Variants in RASA3 observed in about 807,000 individuals in gnomAD.
RASA3 encodes ras GTPase-activating protein 3.
In RASA3, 73 loss-of-function variants were observed where a neutral mutation model predicts 110.0. The ratio of observed to expected loss-of-function variants is 0.66; its 90% confidence interval spans 0.55 to 0.81. The LOEUF (loss-of-function observed/expected upper bound fraction) is 0.81. Ranked by LOEUF, RASA3 falls within the 30% of genes least tolerant of loss-of-function variation. The pLI, the probability that RASA3 is intolerant of heterozygous loss-of-function variation, is 0.00. For missense variants in RASA3, 976 were observed against 1,113.2 expected, an observed-to-expected ratio of 0.88 and a Z score of 1.75; for synonymous variants, 500 against 451.4, an observed-to-expected ratio of 1.11 and a Z score of -1.37.
chr13:114,124,623 G>A (rs1364245187), intron 1 of RASA3, among the ~76,000 whole-genome samples: 1 of 152,198 alleles, frequency 6.6e-6, no homozygotes, highest in Non-Finnish European at 1.5e-5. Flanking sequence ...GAGCCTCCCA[G>A]ACACAAAGGC....
rs1202129383 is a variant in RASA3, at chr13:114,048,383, AGAGAGTCTCTAGGGGCT to A, written c.277+3652_277+3668del. ...CACCCCCACCCCATTGGGAAGCCTC[AGAGAGTCTCTAGGGGCT>A]GGAGGGGCAAATGGAGGGGGACATG... is the stretch of plus-strand genomic sequence containing the variant. On this transcript the variant is annotated intron_variant, in intron 3 of 23. Transcript: ENST00000334062. The surrounding 1 kb of genome is among the most constrained non-coding windows in gnomAD (Gnocchi z 4.3). Among the ~76,000 whole-genome samples, 1 of 151,642 alleles carries A rather than the reference AGAGAGTCTCTAGGGGCT, an allele frequency of 6.6e-6. No individual in the cohort carries two copies. The highest frequency in any genetic ancestry group is 1.5e-5 in the Non-Finnish European group (1 of 67,892).
At position 114,108,080 on chromosome 13, in the gene RASA3, C is replaced by T. The variant is rs887235528; in HGVS notation, c.55+24355G>A. Among the ~76,000 whole-genome samples, 7 of 152,018 alleles carry T rather than the reference C, an allele frequency of 4.6e-5. No individual in the cohort carries two copies. In the South Asian group the frequency reaches 1.2e-3, roughly 27 times the overall value. ...CCTGGCCACTGGGTAAGGACCTCTC[C>T]GAGCCTTTCTCCTTCCCATTCACTC... On this transcript the variant is annotated intron_variant, in intron 1 of 23. Transcript: ENST00000334062.
Position 114,057,980 on chromosome 13 carries a change from C to T in RASA3, c.174-5825G>A, listed in dbSNP as rs774551490. Among the ~76,000 whole-genome samples the T allele has an allele frequency of 7.2e-5, 11 of 152,090 alleles. No individual in the cohort carries two copies. Among genetic ancestry groups the T allele is most frequent in the Non-Finnish European group, 1.5e-4 (10 of 68,000 alleles). ...CTGAGGCCCTGGGAGGTCGGAGTCC[C>T]GGAGGTGGGTGGGGGTGGTGAGTTC... On this transcript the variant is annotated intron_variant, in intron 2 of 23. Coordinates refer to ENST00000334062, the MANE Select transcript of RASA3 (RefSeq NM_007368.4). The surrounding 1 kb of genome is among the most constrained non-coding windows in gnomAD (Gnocchi z 5.0).
intron 6 of RASA3, 50 bp downstream of exon 6, chr13:114,027,797 C>CTA (rs753102977): frequency 6.4e-7 from 1 of 1,564,650 alleles, no homozygotes; most frequent in South Asian, 1.1e-5. Flanking sequence ...CAGAGCTGGA[C>CTA]CCTAGCCCCC....
At chr13:114,040,361 G>A (rs1475566535) in intron 4 of RASA3, among the ~76,000 whole-genome samples, 1 of 66,436 alleles carries the variant, frequency 1.5e-5, no homozygotes, top group East Asian at 4.6e-4. Flanking sequence ...GGCAGAGACC[G>A]CGCTCACTCC....
At chr13:114,103,934 G>A (rs57599940) in intron 1 of RASA3, among the ~76,000 whole-genome samples, 48 of 24,014 alleles carry the variant, frequency 2.0e-3, no homozygotes, top group African/African-American at 4.3e-3. Context: ...ATGCGTCCAC[G>A]CTGCCACAGC....
At chr13:114,075,943 GGCGCCGC>G (rs2079671415) in intron 1 of RASA3, among the ~76,000 whole-genome samples, 5 of 63,158 alleles carry the variant, frequency 7.9e-5, no homozygotes, top group Admixed American at 5.2e-4. Flanking sequence ...CTCCCGTGTC[GGCGCCGC>G]GTATCTCTGG....
chr13:114,004,118 C>T (rs1297770583), intron 18 of RASA3, among the ~76,000 whole-genome samples: 1 of 152,154 alleles, frequency 6.6e-6, no homozygotes, highest in Non-Finnish European at 1.5e-5. Context: ...AGAAAAATAG[C>T]AATGTAAGTA....
In RASA3 at chr13:114,060,976, C is replaced by CA. The variant is rs1250184654; in HGVS notation, c.174-8822_174-8821insT. Among the ~76,000 whole-genome samples the CA allele has an allele frequency of 5.4e-4, 78 of 144,362 alleles. 1 individual carries two copies. The highest frequency in any genetic ancestry group is 2.1e-3 in the South Asian group (10 of 4,696). 94.7% of individuals were successfully genotyped at this position (144,362 alleles called of 152,430 possible). A position where few individuals can be genotyped will look rare whatever the true frequency, so the allele number is the denominator to read the frequency against. Reference sequence around the variant, plus strand: ...CCCCACAGCCGGCAGATGGAGCCCCCCACAGCCGGCAGACGGAGCCCCCCA... The same window carrying CA: ...CCCCACAGCCGGCAGATGGAGCCCCCACACAGCCGGCAGACGGAGCCCCCCA... On this transcript the variant is annotated intron_variant, in intron 2 of 23. Coordinates refer to ENST00000334062, the MANE Select transcript of RASA3 (RefSeq NM_007368.4).
intron 20 of RASA3, among the ~76,000 whole-genome samples, chr13:113,998,674 C>T (rs887899852): frequency 5.3e-5 from 8 of 152,192 alleles, no homozygotes; most frequent in Non-Finnish European, 8.8e-5. Context: ...AGGGGATTCC[C>T]GCCAGAAATG....
At chr13:114,123,805 C>T (rs1481520282) in intron 1 of RASA3, among the ~76,000 whole-genome samples, 5 of 152,150 alleles carry the variant, frequency 3.3e-5, no homozygotes, top group Admixed American at 6.5e-5. Context: ...TCTGTCTGGT[C>T]GGTGGTCAGA....
At chr13:114,030,885 G>C (rs1040707503) in intron 4 of RASA3, among the ~76,000 whole-genome samples, 2 of 152,022 alleles carry the variant, frequency 1.3e-5, no homozygotes, top group Non-Finnish European at 2.9e-5. Flanking sequence ...ACCTGTGTGC[G>C]TGCAACTGTG....
At position 114,097,964 on chromosome 13, in the gene RASA3, A is replaced by G. The variant is rs187223233; in HGVS notation, c.56-24127T>C. On this transcript the variant is annotated intron_variant, in intron 1 of 23. Transcript: ENST00000334062. The stretch of plus-strand genomic sequence containing the variant: ...GGTCCAGGGAGACCACCAGCGAGAG[A>G]GTGGATACCCCTGGGAACAAAGCGG... 1.7e-3 allele frequency among the ~76,000 whole-genome samples: 256 copies of G among 152,254 alleles called. 1 individual carries two copies. Among genetic ancestry groups the G allele is most frequent in the Middle Eastern group, 3.4e-3 (1 of 294 alleles).
intron 1 of RASA3, among the ~76,000 whole-genome samples, chr13:114,102,929 C>G (rs1440780838): frequency 6.6e-6 from 1 of 152,108 alleles, no homozygotes; most frequent in Admixed American, 6.5e-5. Flanking sequence ...GGGCCTGAGT[C>G]CAGCCCCAGG....
chr13:114,061,936 G>A (rs538078706), intron 2 of RASA3, among the ~76,000 whole-genome samples: 3 of 152,266 alleles, frequency 2.0e-5, no homozygotes, highest in Admixed American at 1.3e-4. Flanking sequence ...GTTGGGCGGG[G>A]AGGACGGCAA....
intron 3 of RASA3, among the ~76,000 whole-genome samples, chr13:114,046,314 G>C (rs542266005): frequency 6.6e-6 from 1 of 152,178 alleles, no homozygotes; most frequent in Non-Finnish European, 1.5e-5. Context: ...ATGAGGTGGT[G>C]GTGGAAGAAA....
rs575207016 is a variant in RASA3 at position 113,993,956 on chromosome 13, G to A, written c.2142-1368C>T. ...AACAGGGAGGGCCTGATAGGAACGC[G>A]CGGGGCTGTTATTTTTAGCAAAATG... On this transcript the variant is annotated intron_variant, in intron 21 of 23. Coordinates refer to ENST00000334062, the MANE Select transcript of RASA3 (RefSeq NM_007368.4). 6.6e-5 allele frequency among the ~76,000 whole-genome samples: 10 copies of A among 152,298 alleles called. No individual in the cohort carries two copies. In the South Asian group the frequency reaches 8.3e-4, roughly 13 times the overall value.
rs376436378 is a variant in RASA3 at position 114,070,367 on chromosome 13, C to T, written c.173+3353G>A. On this transcript the variant is annotated intron_variant, in intron 2 of 23. Transcript: ENST00000334062. ...TGACACCTGCCTCTCAGGTGGATGT[C>T]GACCAATGACTAATACAGGACTCTG... 8.7e-4 allele frequency among the ~76,000 whole-genome samples: 133 copies of T among 152,196 alleles called. 1 individual carries two copies. The highest frequency in any genetic ancestry group is 7.5e-3 in the East Asian group (39 of 5,180).
At position 114,050,524 on chromosome 13, in the gene RASA3, C is replaced by T. The variant is rs2079126942; in HGVS notation, c.277+1528G>A. Reference sequence around the variant, plus strand: ...ACAACAGTCCCAAAAATGTCCGGGTCCCGACCCCTGCAATGGTGAGGGGGC... The same window carrying T: ...ACAACAGTCCCAAAAATGTCCGGGTTCCGACCCCTGCAATGGTGAGGGGGC... On this transcript the variant is annotated intron_variant, in intron 3 of 23. Coordinates refer to ENST00000334062, the MANE Select transcript of RASA3 (RefSeq NM_007368.4). Among the ~76,000 whole-genome samples, 3 of 152,240 alleles carry T rather than the reference C, an allele frequency of 2.0e-5. No individual in the cohort carries two copies. The South Asian group carries it at 6.2e-4, about 31-fold the overall frequency.
Sources: gnomAD v4.1 joint callset for allele counts (sites outside exome capture counted in the v4.1 genomes callset) on GRCh38, gnomAD v4.1.1 for gene constraint, Gnocchi (gnomAD v3.1) non-coding constraint, MANE v1.5 for transcripts, NCBI Gene and HGNC (gene_info 2026-07-23, HGNC 2026-07-21) for gene names.